The following IGSF21 variants were observed in gnomAD, a reference collection of about 807,000 sequenced individuals.
IGSF21 encodes immunoglobulin superfamily member 21.
A neutral mutation model predicts 46.8 loss-of-function variants in IGSF21; 28 were observed. That is an observed-to-expected ratio of 0.60 (90% confidence interval 0.44 to 0.82). IGSF21 has a LOEUF of 0.82. Ranked by LOEUF, IGSF21 falls within the 40% of genes least tolerant of loss-of-function variation. The probability of loss-of-function intolerance (pLI) is 0.00; values close to 1 mark genes in which losing one functional copy is unlikely to be tolerated. For synonymous variants in IGSF21, 284 were observed against 273.6 expected (o/e 1.04, Z -0.38); for missense variants, 624 against 665.5 (o/e 0.94, Z 0.69).
At chr1:18,158,875 T>C (rs1182381039) in intron 1 of IGSF21, among the ~76,000 whole-genome samples, 1 of 152,214 alleles carries the variant, frequency 6.6e-6, no homozygotes, top group African/African-American at 2.4e-5. Context: ...TGCCCAGGCA[T>C]AGAATCTGGA....
chr1:18,182,708 G>A (rs2086868389), intron 1 of IGSF21, among the ~76,000 whole-genome samples: 1 of 152,222 alleles, frequency 6.6e-6, no homozygotes, highest in South Asian at 2.1e-4. Flanking sequence ...TCTTTCCTGA[G>A]TTCTGTCCTT....
chr1:18,310,892 A>G (rs2085482295), intron 3 of IGSF21, among the ~76,000 whole-genome samples: 1 of 151,976 alleles, frequency 6.6e-6, no homozygotes, highest in Admixed American at 6.6e-5. Context: ...CACCTCCATC[A>G]TCACACGGCG....
In IGSF21 at chr1:18,322,273, G is replaced by A. The variant is rs2085610464; in HGVS notation, c.306-12619G>A. 1.3e-5 allele frequency among the ~76,000 whole-genome samples: 2 copies of A among 151,856 alleles called. No individual in the cohort carries two copies. On this transcript the variant is annotated intron_variant, in intron 3 of 9. Coordinates refer to ENST00000251296, the MANE Select transcript of IGSF21 (RefSeq NM_032880.5). This position sits in a 1 kb window ranked among gnomAD's most constrained non-coding sequence, Gnocchi z 4.3. ...GATGCTGACCTTGCCCACAGTAGGG[G>A]CACAGCCATGTTCATTGAAAAAAGA... is the stretch of plus-strand genomic sequence containing the variant.
In IGSF21 at chr1:18,168,090, C is replaced by T. The variant is rs187824192; in HGVS notation, c.71-59808C>T. On this transcript the variant is annotated intron_variant, in intron 1 of 9. Coordinates refer to ENST00000251296, the MANE Select transcript of IGSF21 (RefSeq NM_032880.5). ...GCTGGACAGGACCTTGGGAGTCCAGCAGGACCACCCTGCTGCCTTTGGGGT... is the reference window on the plus strand; with the variant it reads ...GCTGGACAGGACCTTGGGAGTCCAGTAGGACCACCCTGCTGCCTTTGGGGT... Among the ~76,000 whole-genome samples the T allele has an allele frequency of 6.6e-3, 1,008 of 151,968 alleles. 6 individuals are homozygous for T. Among genetic ancestry groups the T allele is most frequent in the Non-Finnish European group, 8.3e-3 (563 of 67,952 alleles).
chr1:18,309,542 A>C (rs2085461544), intron 3 of IGSF21, among the ~76,000 whole-genome samples: 1 of 152,078 alleles, frequency 6.6e-6, no homozygotes, highest in South Asian at 2.1e-4. Context: ...ATTGGCGTGG[A>C]AGTTCATTTC....
At chr1:18,286,542 C>A (rs994460692) in intron 2 of IGSF21, among the ~76,000 whole-genome samples, 1 of 152,212 alleles carries the variant, frequency 6.6e-6, no homozygotes, top group Non-Finnish European at 1.5e-5. Flanking sequence ...TGTTTTCCTG[C>A]ACAGAATATC....
At chr1:18,221,488 C>G (rs564593859) in intron 1 of IGSF21, among the ~76,000 whole-genome samples, 1 of 152,114 alleles carries the variant, frequency 6.6e-6, no homozygotes, top group African/African-American at 2.4e-5. Context: ...TGGGAAAGGG[C>G]GGGGAGTGAT....
intron 1 of IGSF21, among the ~76,000 whole-genome samples, chr1:18,132,554 A>T (rs2086330823): frequency 6.6e-6 from 1 of 152,144 alleles, no homozygotes; most frequent in Non-Finnish European, 1.5e-5. Flanking sequence ...TAATTCCCAC[A>T]CTGCAAAATG....
chr1:18,314,081 C>T (rs1204291438), intron 3 of IGSF21, among the ~76,000 whole-genome samples: 1 of 152,170 alleles, frequency 6.6e-6, no homozygotes, highest in Admixed American at 6.5e-5. Context: ...CACACTGAAG[C>T]ATTGCTGTAA....
chr1:18,200,226 T>C (rs1463636982), intron 1 of IGSF21, among the ~76,000 whole-genome samples: 2 of 152,228 alleles, frequency 1.3e-5, no homozygotes, highest in Non-Finnish European at 1.5e-5. Context: ...ATCTGTCTCC[T>C]GACAAAGAGA....
chr1:18,369,783 T>C (rs962259422), intron 6 of IGSF21, among the ~76,000 whole-genome samples: 1 of 152,222 alleles, frequency 6.6e-6, no homozygotes, highest in African/African-American at 2.4e-5. Context: ...CCTCCGCAGC[T>C]GAAATGCCAC....
At chr1:18,173,243 A>G (rs11260945) in intron 1 of IGSF21, among the ~76,000 whole-genome samples, 139,327 of 152,244 alleles carry the variant, frequency 0.92, 64,328 homozygotes, top group East Asian at 1. Flanking sequence ...AGCTGAGATC[A>G]CACCACTGCA....
intron 1 of IGSF21, among the ~76,000 whole-genome samples, chr1:18,163,397 AG>A (rs1310551007): frequency 1.3e-5 from 2 of 152,092 alleles, no homozygotes; most frequent in African/African-American, 4.8e-5. Flanking sequence ...GAGAGGGTGG[AG>A]GGAGGAGTTA....
In IGSF21 at chr1:18,347,530, G is replaced by A. The variant is rs149710356; in HGVS notation, c.424+12520G>A. ...CCCAACAGTCCTGGAATTCAGTGGG[G>A]TGGGGATCTGTATCCCCATTTTACA... On this transcript the variant is annotated intron_variant, in intron 4 of 9. Coordinates refer to ENST00000251296, the MANE Select transcript of IGSF21 (RefSeq NM_032880.5). Among the ~76,000 whole-genome samples, 816 of 152,336 alleles carry A rather than the reference G, an allele frequency of 5.4e-3. 4 individuals are homozygous for A. Among genetic ancestry groups the A allele is most frequent in the Non-Finnish European group, 7.4e-3 (506 of 68,032 alleles).
chr1:18,293,897 T>A (rs1164949742), intron 3 of IGSF21, among the ~76,000 whole-genome samples: 1 of 152,178 alleles, frequency 6.6e-6, no homozygotes, highest in South Asian at 2.1e-4. Context: ...AGAACATTCC[T>A]GAGCACCACC....
chr1:18,290,184 G>A lies in IGSF21; in HGVS notation c.184-1682G>A, dbSNP rs143250522. ...AGGAGAGGAGAATCCTCCTGTCCCC[G>A]TCCTCCTCATCTTCCTCCACTCTCA... On this transcript the variant is annotated intron_variant, in intron 2 of 9. Coordinates refer to ENST00000251296, the MANE Select transcript of IGSF21 (RefSeq NM_032880.5). This position sits in a 1 kb window ranked among gnomAD's most constrained non-coding sequence, Gnocchi z 4.2. Among the ~76,000 whole-genome samples, 804 of 152,272 alleles carry A rather than the reference G, an allele frequency of 5.3e-3. 6 individuals are homozygous for A. The highest frequency in any genetic ancestry group is 0.012 in the African/African-American group (517 of 41,548).
At chr1:18,128,788 C>CTGTGTGTG (rs10534606) in intron 1 of IGSF21, among the ~76,000 whole-genome samples, 11 of 149,770 alleles carry the variant, frequency 7.3e-5, no homozygotes, top group African/African-American at 2.5e-4. Context: ...TGCTCATTCG[C>CTGTGTGTG]TGTGTGTGTG....
At chr1:18,185,767 T>C (rs1255957139) in intron 1 of IGSF21, among the ~76,000 whole-genome samples, 1 of 152,206 alleles carries the variant, frequency 6.6e-6, no homozygotes, top group Non-Finnish European at 1.5e-5. Flanking sequence ...ATAGGGTTGC[T>C]GTAAGGATGA....
intron 3 of IGSF21, among the ~76,000 whole-genome samples, chr1:18,313,813 G>A (rs975138455): frequency 1.6e-4 from 25 of 152,192 alleles, no homozygotes; most frequent in African/African-American, 5.8e-4. Context: ...CCTGCACTCT[G>A]GGCCACTGCG....
Sources: gnomAD v4.1 joint callset for allele counts (sites outside exome capture counted in the v4.1 genomes callset) on GRCh38, gnomAD v4.1.1 for gene constraint, Gnocchi (gnomAD v3.1) non-coding constraint, MANE v1.5 for transcripts, NCBI Gene and HGNC (gene_info 2026-07-23, HGNC 2026-07-21) for gene names.